ANAPC16: variants seen among roughly 807,000 people sequenced by gnomAD.
ANAPC16 encodes the protein anaphase promoting complex subunit 16, also known as anaphase-promoting complex subunit 16.
A neutral mutation model predicts 13.1 loss-of-function variants in ANAPC16; 6 were observed. The observed-to-expected ratio is 0.46, with a 90% CI of 0.25 to 0.90. The LOEUF is 0.90. Among genes scored for constraint, ANAPC16 ranks in the 40% least tolerant of loss-of-function variants. The probability of loss-of-function intolerance (pLI) is 0.18; values close to 1 mark genes in which losing one functional copy is unlikely to be tolerated. For missense variants in ANAPC16, 113 were observed against 131.1 expected (o/e 0.86, Z 0.67); for synonymous variants, 55 against 51.3 (o/e 1.07, Z -0.31).
intron 2 of ANAPC16, among the ~76,000 whole-genome samples, chr10:72,230,059 T>C (rs1038352812): frequency 4.6e-5 from 7 of 152,134 alleles, no homozygotes; most frequent in Admixed American, 3.3e-4. Flanking sequence ...CAGGAGAACA[T>C]TAAGGAACTC....
intron 1 of ANAPC16, chr10:72,223,658 A>G: frequency 3.1e-6 from 1 of 319,468 alleles, no homozygotes; most frequent in Admixed American, 4.7e-5. Flanking sequence ...CGCTAATGGT[A>G]GGAATTCATG....
intron 2 of ANAPC16, among the ~76,000 whole-genome samples, chr10:72,227,130 T>A (rs1366626924): frequency 6.6e-6 from 1 of 152,214 alleles, no homozygotes; most frequent in Non-Finnish European, 1.5e-5. Context: ...GAAGAATCCA[T>A]ATTCAACAAT....
chr10:72,219,468 G>T (rs1220908927), intron 1 of ANAPC16, among the ~76,000 whole-genome samples: 1 of 152,210 alleles, frequency 6.6e-6, no homozygotes, highest in Admixed American at 6.5e-5. Context: ...GAGCAGAGTG[G>T]CTCAGGCCTG....
At chr10:72,216,798 C>G (rs1342405801) in intron 1 of ANAPC16, 2 of 456,198 alleles carry the variant, frequency 4.4e-6, no homozygotes, top group South Asian at 3.1e-5. Flanking sequence ...CTGTGAGGAT[C>G]TCCACTGTCA....
chr10:72,216,779 G>GT (rs1357763827), intron 1 of ANAPC16: 1 of 455,770 alleles, frequency 2.2e-6, no homozygotes, highest in South Asian at 1.5e-5. Context: ...ACAAAGCATC[G>GT]TTACTCTCCT....
chr10:72,226,046 C>A (rs936113172), intron 2 of ANAPC16, among the ~76,000 whole-genome samples: 14 of 147,350 alleles, frequency 9.5e-5, no homozygotes, highest in Non-Finnish European at 1.0e-4. Flanking sequence ...GACAGAGTCT[C>A]GCTCTGTTGC....
In ANAPC16 at chr10:72,223,987, G is replaced by A. The variant is rs1183162651; in HGVS notation, c.73G>A (p.Val25Ile). The A allele has an allele frequency of 6.2e-7, 1 of 1,612,596 alleles. No homozygotes were observed. Among genetic ancestry groups the A allele is most frequent in the South Asian group, 1.1e-5 (1 of 91,000 alleles). Reference sequence around the variant, plus strand: ...TTCTGTCACTGGATCTGGTTTCAGTGTCTCAGACCTTGCCCCACCACGGAA... The same window carrying A: ...TTCTGTCACTGGATCTGGTTTCAGTATCTCAGACCTTGCCCCACCACGGAA... ...GSSVTGSGFS[V>I]SDLAPPRKAL... Residue 25 changes from valine (V) to isoleucine (I), a missense_variant, in exon 2 of 4, where the codon GTC (valine) becomes ATC (isoleucine). Coordinates refer to ENST00000299381, the MANE Select transcript of ANAPC16 (RefSeq NM_173473.4).
intron 1 of ANAPC16, among the ~76,000 whole-genome samples, chr10:72,222,050 A>G (rs192665565): frequency 6.6e-6 from 1 of 151,564 alleles, no homozygotes; most frequent in East Asian, 2.0e-4. Context: ...AAAAATACTA[A>G]ATACACTTGT....
At chr10:72,217,196 C>CG in intron 1 of ANAPC16, 1 of 384,084 alleles carries the variant, frequency 2.6e-6, no homozygotes, top group South Asian at 1.9e-5. Flanking sequence ...AAGTGTAGGC[C>CG]GGGCGCGGTG....
At chr10:72,228,650 C>G (rs1225100604) in intron 2 of ANAPC16, among the ~76,000 whole-genome samples, 2 of 152,138 alleles carry the variant, frequency 1.3e-5, no homozygotes, top group Non-Finnish European at 2.9e-5. Flanking sequence ...CAATTCCAGG[C>G]TTTAGACTGG....
At chr10:72,218,443 A>T (rs1210904731) in intron 1 of ANAPC16, among the ~76,000 whole-genome samples, 1 of 151,988 alleles carries the variant, frequency 6.6e-6, no homozygotes, top group African/African-American at 2.4e-5. Context: ...TGCACATGAC[A>T]AATAACATAC....
intron 2 of ANAPC16, among the ~76,000 whole-genome samples, chr10:72,230,013 G>A (rs1288963664): frequency 2.6e-5 from 4 of 152,302 alleles, no homozygotes; most frequent in South Asian, 4.1e-4. Context: ...CAGCCACAAG[G>A]CCAAATGTGT....
chr10:72,225,986 A>G (rs1464333080), intron 2 of ANAPC16, among the ~76,000 whole-genome samples: 1 of 150,946 alleles, frequency 6.6e-6, no homozygotes, highest in African/African-American at 2.4e-5. Flanking sequence ...GTGCTTAATT[A>G]TATATTGATC....
chr10:72,230,466 G>A (rs12252038), intron 3 of ANAPC16, 26 bp downstream of exon 3: 45,771 of 1,600,628 alleles, frequency 0.029, 3,197 homozygotes, highest in African/African-American at 0.25. Context: ...TTGCGTACTT[G>A]ACTGTGAGAA....
chr10:72,218,495 A>C (rs1859760277), intron 1 of ANAPC16, among the ~76,000 whole-genome samples: 1 of 152,046 alleles, frequency 6.6e-6, no homozygotes, highest in African/African-American at 2.4e-5. Context: ...GATAAGCTAA[A>C]ATTGTCTCTA....
chr10:72,217,251 G>A (rs1190910587), intron 1 of ANAPC16: 1 of 352,960 alleles, frequency 2.8e-6, no homozygotes, highest in Non-Finnish European at 5.6e-6. Flanking sequence ...GAGGCGGGCG[G>A]ATCACGAGGT....
chr10:72,218,162 AAAAATATATATATATATATATATATATAT>A (rs1326253929), intron 1 of ANAPC16, among the ~76,000 whole-genome samples: 3 of 29,274 alleles, frequency 1.0e-4, no homozygotes, highest in Non-Finnish European at 1.8e-4. Context: ...AAAAAAAAAA[AAAAATATATATATATATATATATATATAT>A]ATATATATAT....
At chr10:72,230,688 A>G (rs907586891) in intron 3 of ANAPC16, among the ~76,000 whole-genome samples, 1 of 152,096 alleles carries the variant, frequency 6.6e-6, no homozygotes, top group African/African-American at 2.4e-5. Context: ...TGAGGTCAGG[A>G]GTTTGAGACC....
chr10:72,224,878 G>T (rs548154109), intron 2 of ANAPC16, among the ~76,000 whole-genome samples: 17 of 152,310 alleles, frequency 1.1e-4, no homozygotes, highest in African/African-American at 3.6e-4. Context: ...ACCAAAGCCA[G>T]ATTTGCATCA....
Sources: allele counts gnomAD v4.1 joint callset (sites outside exome capture counted in the v4.1 genomes callset), GRCh38; gene constraint gnomAD v4.1.1; transcripts MANE v1.5; gene names NCBI Gene and HGNC (gene_info 2026-07-23, HGNC 2026-07-21).